Variants in LRRC7 observed in about 807,000 individuals in gnomAD.
The protein encoded by LRRC7 is leucine rich repeat containing 7, also known as leucine-rich repeat-containing protein 7.
In LRRC7, 23 loss-of-function variants were observed where a neutral mutation model predicts 175.7. That is an observed-to-expected ratio of 0.13 (90% CI 0.09 to 0.19). The LOEUF (loss-of-function observed/expected upper bound fraction) is 0.19. Among genes scored for constraint, LRRC7 ranks in the 10% least tolerant of loss-of-function variants. The pLI is 1.00. For missense variants in LRRC7, 1,354 were observed against 1,904.7 expected (o/e 0.71, Z 5.38); for synonymous variants, 685 against 680.9 (o/e 1.01, Z -0.09).
chr1:70,093,938 T>C (rs568909841), intron 25 of LRRC7, among the ~76,000 whole-genome samples: 1 of 152,280 alleles, frequency 6.6e-6, no homozygotes, highest in East Asian at 1.9e-4. Flanking sequence ...TTGTAACATT[T>C]TATAAGGCAA....
intron 23 of LRRC7, among the ~76,000 whole-genome samples, chr1:70,067,434 A>G (rs1195473835): frequency 6.6e-6 from 1 of 152,082 alleles, no homozygotes; most frequent in Non-Finnish European, 1.5e-5. Context: ...TCATTTGGAC[A>G]TATTTTTGTC....
intron 1 of LRRC7, among the ~76,000 whole-genome samples, chr1:69,670,639 T>A (rs1462057352): frequency 6.6e-6 from 1 of 152,192 alleles, no homozygotes; most frequent in African/African-American, 2.4e-5. Flanking sequence ...AGGTCCCATC[T>A]GGGAGCCAGG....
intron 7 of LRRC7, among the ~76,000 whole-genome samples, chr1:69,887,739 C>G (rs1185194033): frequency 6.9e-6 from 1 of 145,298 alleles, no homozygotes; most frequent in Non-Finnish European, 1.5e-5. Flanking sequence ...TTTTCCCCAT[C>G]TTTGTGGTTT....
chr1:70,129,715 G>A lies in LRRC7; in HGVS notation c.*7828G>A, dbSNP rs1472533565. Among the ~76,000 whole-genome samples, 2 of 152,146 alleles carry A rather than the reference G, an allele frequency of 1.3e-5. No individual in the cohort carries two copies. The highest frequency in any genetic ancestry group is 2.1e-4 in the South Asian group (1 of 4,826). Reference sequence around the variant, plus strand: ...CATGTTTATTTACTTCACTTTTTGGGTGGAGAACATTTTCACTACACGCTG... The same window carrying A: ...CATGTTTATTTACTTCACTTTTTGGATGGAGAACATTTTCACTACACGCTG... On this transcript the variant is annotated 3_prime_UTR_variant, in exon 27 of 27. Transcript: ENST00000651989.
chr1:69,721,065 T>C (rs563606019), intron 2 of LRRC7, among the ~76,000 whole-genome samples: 2 of 151,960 alleles, frequency 1.3e-5, no homozygotes, highest in Admixed American at 1.3e-4. Context: ...ACATAGACTT[T>C]ATTTTTACAG....
intron 24 of LRRC7, 63 bp downstream of exon 24, chr1:70,076,361 T>C (rs1267505174): frequency 2.0e-6 from 3 of 1,481,674 alleles, no homozygotes; most frequent in African/African-American, 2.8e-5. Context: ...GAATCCATGG[T>C]TGGCCTTCCC....
At chr1:69,630,873 C>G (rs1052323194) in intron 1 of LRRC7, among the ~76,000 whole-genome samples, 1 of 151,988 alleles carries the variant, frequency 6.6e-6, no homozygotes, top group Non-Finnish European at 1.5e-5. Context: ...TGGCCAAATA[C>G]ATGATGTATA....
chr1:70,056,412 A>T (rs1359839990), intron 23 of LRRC7, among the ~76,000 whole-genome samples: 3 of 152,174 alleles, frequency 2.0e-5, no homozygotes, highest in Non-Finnish European at 2.9e-5. Context: ...TAAACATAAG[A>T]AGTAGTTGAG....
intron 3 of LRRC7, 148 bp from the exon 4 acceptor site, chr1:69,791,895 G>C (rs1457046025): frequency 3.9e-6 from 2 of 518,594 alleles, no homozygotes; most frequent in Non-Finnish European, 6.9e-6. Context: ...AGAAACAATT[G>C]AGAAGATGAG....
chr1:70,023,870 A>G (rs1306357336), intron 17 of LRRC7, among the ~76,000 whole-genome samples: 2 of 152,110 alleles, frequency 1.3e-5, no homozygotes, highest in African/African-American at 4.8e-5. Context: ...AAAAGCATCA[A>G]TTTCCTTTAA....
At chr1:69,659,884 T>C (rs1304806890) in intron 1 of LRRC7, among the ~76,000 whole-genome samples, 2 of 150,528 alleles carry the variant, frequency 1.3e-5, no homozygotes, top group African/African-American at 4.9e-5. Flanking sequence ...GAAAAAAGGG[T>C]CCCAATTCAA....
chr1:69,707,027 G>T (rs1664120896), intron 2 of LRRC7, among the ~76,000 whole-genome samples: 1 of 152,124 alleles, frequency 6.6e-6, no homozygotes, highest in Non-Finnish European at 1.5e-5. Context: ...GAATCAGAAG[G>T]AAAGAAACAA....
At chr1:69,631,614 C>A (rs1054848680) in intron 1 of LRRC7, among the ~76,000 whole-genome samples, 20 of 152,122 alleles carry the variant, frequency 1.3e-4, no homozygotes, top group South Asian at 2.1e-4. Context: ...CCCATGAGAG[C>A]TTTTTTGGCA....
intron 1 of LRRC7, among the ~76,000 whole-genome samples, chr1:69,670,366 C>A (rs138859415): frequency 6.6e-6 from 1 of 152,138 alleles, no homozygotes. Context: ...AGATTCAGAT[C>A]GTTTCCCTTA....
intron 1 of LRRC7, among the ~76,000 whole-genome samples, chr1:69,576,186 C>G (rs993395602): frequency 1.3e-5 from 2 of 149,116 alleles, no homozygotes; most frequent in African/African-American, 5.0e-5. Context: ...GAGTTGAGAT[C>G]ACACTACTGT....
chr1:69,657,188 CTA>C (rs1656727400), intron 1 of LRRC7, among the ~76,000 whole-genome samples: 1 of 151,642 alleles, frequency 6.6e-6, no homozygotes, highest in Non-Finnish European at 1.5e-5. Flanking sequence ...ACCAGCATTT[CTA>C]TGTTACTAAT....
chr1:69,923,690 T>C (rs907760494), intron 7 of LRRC7, among the ~76,000 whole-genome samples: 15 of 152,144 alleles, frequency 9.9e-5, no homozygotes, highest in African/African-American at 3.4e-4. Flanking sequence ...TCATTGTAGA[T>C]TCTGGATATT....
At chr1:69,785,205 T>C (rs898979361) in intron 3 of LRRC7, among the ~76,000 whole-genome samples, 9 of 152,136 alleles carry the variant, frequency 5.9e-5, no homozygotes, top group Admixed American at 3.9e-4. Context: ...CAAATGTTCC[T>C]TTAAATATAT....
At chr1:69,636,669 C>A (rs971217888) in intron 1 of LRRC7, among the ~76,000 whole-genome samples, 1 of 151,828 alleles carries the variant, frequency 6.6e-6, no homozygotes, top group Non-Finnish European at 1.5e-5. Context: ...TTTCTTTAAC[C>A]TTTCTCAGGT....
Sources: gnomAD v4.1 joint callset for allele counts (sites outside exome capture counted in the v4.1 genomes callset) on GRCh38, gnomAD v4.1.1 for gene constraint, MANE v1.5 for transcripts, NCBI Gene and HGNC (gene_info 2026-07-23, HGNC 2026-07-21) for gene names.